SPSB1: variants seen among roughly 807,000 people sequenced by gnomAD.
SPSB1 encodes SPRY domain-containing SOCS box protein 1.
Under a neutral mutation model 21.2 loss-of-function variants are expected in SPSB1, and 8 were observed. The observed-to-expected ratio is 0.38, with a 90% confidence interval of 0.22 to 0.68. SPSB1 has a LOEUF of 0.68. Ranked by LOEUF, SPSB1 falls within the 30% of genes least tolerant of loss-of-function variation. SPSB1 has a pLI of 0.53. For missense variants in SPSB1, 242 were observed against 377.8 expected, an observed-to-expected ratio of 0.64 and a Z score of 2.98; for synonymous variants, 169 against 161.7, an observed-to-expected ratio of 1.05 and a Z score of -0.34.
intron 2 of SPSB1, among the ~76,000 whole-genome samples, chr1:9,359,574 C>T (rs925346408): frequency 1.3e-5 from 2 of 151,792 alleles, no homozygotes; most frequent in African/African-American, 2.4e-5. Flanking sequence ...TGGTGGCATG[C>T]ACCTGTAATC....
chr1:9,303,191 A>T (rs1035519999), intron 1 of SPSB1, among the ~76,000 whole-genome samples: 7 of 152,194 alleles, frequency 4.6e-5, no homozygotes, highest in African/African-American at 1.7e-4. Context: ...GATACTCCTT[A>T]GGGCATCTGT....
At chr1:9,299,047 G>C (rs1020991659) in intron 1 of SPSB1, among the ~76,000 whole-genome samples, 2 of 152,238 alleles carry the variant, frequency 1.3e-5, no homozygotes, top group African/African-American at 4.8e-5. Flanking sequence ...TCAACTCTCC[G>C]ATTTGGCCTG....
chr1:9,342,647 G>A (rs999647339), intron 1 of SPSB1, among the ~76,000 whole-genome samples: 3 of 152,138 alleles, frequency 2.0e-5, no homozygotes, highest in East Asian at 1.9e-4. Context: ...CCGCCAGCCC[G>A]CGGGGTCATC....
At chr1:9,365,303 G>T (rs889738342) in intron 2 of SPSB1, among the ~76,000 whole-genome samples, 1 of 152,068 alleles carries the variant, frequency 6.6e-6, no homozygotes, top group South Asian at 2.1e-4. Flanking sequence ...TTTTTGTAGC[G>T]ATGAGGTCTC....
chr1:9,351,218 G>A (rs1640254106), intron 1 of SPSB1, among the ~76,000 whole-genome samples: 1 of 152,258 alleles, frequency 6.6e-6, no homozygotes, highest in Non-Finnish European at 1.5e-5. Flanking sequence ...TCTGGCCCCT[G>A]ATGGAAGAAG....
intron 1 of SPSB1, among the ~76,000 whole-genome samples, chr1:9,344,127 G>C (rs1640134040): frequency 6.6e-6 from 1 of 152,160 alleles, no homozygotes; most frequent in Admixed American, 6.5e-5. Context: ...GTGTAATCCT[G>C]ATGGTTTTCA....
chr1:9,359,513 C>T (rs918365127), intron 2 of SPSB1, among the ~76,000 whole-genome samples: 1 of 151,950 alleles, frequency 6.6e-6, no homozygotes. Flanking sequence ...ACCAGCCTGG[C>T]CAACATGGTG....
At chr1:9,315,418 C>T (rs756560706) in intron 1 of SPSB1, among the ~76,000 whole-genome samples, 5 of 152,266 alleles carry the variant, frequency 3.3e-5, no homozygotes, top group African/African-American at 7.2e-5. Context: ...CGTTGTCTCA[C>T]GCAAGTCTTT....
intron 1 of SPSB1, among the ~76,000 whole-genome samples, chr1:9,295,502 G>A (rs1294171175): frequency 6.6e-6 from 1 of 152,178 alleles, no homozygotes; most frequent in African/African-American, 2.4e-5. Context: ...TGTCACTTTG[G>A]AGCTGGGTGA....
chr1:9,341,418 T>C (rs1640089195), intron 1 of SPSB1, among the ~76,000 whole-genome samples: 1 of 152,234 alleles, frequency 6.6e-6, no homozygotes, highest in Non-Finnish European at 1.5e-5. Context: ...CCCACTAGAC[T>C]GAGCTCCCTG....
chr1:9,336,569 A>C (rs1640006746), intron 1 of SPSB1, among the ~76,000 whole-genome samples: 1 of 152,172 alleles, frequency 6.6e-6, no homozygotes, highest in Non-Finnish European at 1.5e-5. Context: ...CAAAAGGAAG[A>C]AAGAGGAGTG....
intron 1 of SPSB1, among the ~76,000 whole-genome samples, chr1:9,297,754 G>A (rs1639249365): frequency 1.3e-5 from 2 of 152,172 alleles, no homozygotes; most frequent in Admixed American, 1.3e-4. Context: ...TTAATGTAGA[G>A]TTAGGGATTC....
intron 1 of SPSB1, among the ~76,000 whole-genome samples, chr1:9,297,791 G>A (rs1189447389): frequency 6.6e-6 from 1 of 152,166 alleles, no homozygotes; most frequent in Non-Finnish European, 1.5e-5. Flanking sequence ...TGTAGAGTTA[G>A]GGATTCAAAG....
intron 1 of SPSB1, among the ~76,000 whole-genome samples, chr1:9,304,371 C>T (rs768097316): frequency 6.6e-6 from 1 of 152,214 alleles, no homozygotes; most frequent in Non-Finnish European, 1.5e-5. Context: ...AGCCAGTTCC[C>T]CTAACCCATC....
chr1:9,303,044 G>A (rs1460075780), intron 1 of SPSB1, among the ~76,000 whole-genome samples: 2 of 152,166 alleles, frequency 1.3e-5, no homozygotes, highest in Non-Finnish European at 2.9e-5. Flanking sequence ...TGGCTTCTTT[G>A]GGCTCCCTGT....
intron 1 of SPSB1, among the ~76,000 whole-genome samples, chr1:9,318,310 T>G (rs1639647654): frequency 6.6e-6 from 1 of 152,230 alleles, no homozygotes; most frequent in Admixed American, 6.5e-5. Context: ...TTGCTGGTTG[T>G]TCTCTCCGGC....
intron 2 of SPSB1, among the ~76,000 whole-genome samples, chr1:9,362,675 G>C (rs1167892900): frequency 6.6e-6 from 1 of 152,226 alleles, no homozygotes; most frequent in Non-Finnish European, 1.5e-5. Context: ...GAGTTGGGTT[G>C]AAATCTCTCG....
At chr1:9,361,833 G>A (rs893131222) in intron 2 of SPSB1, among the ~76,000 whole-genome samples, 4 of 152,224 alleles carry the variant, frequency 2.6e-5, no homozygotes, top group African/African-American at 4.8e-5. Context: ...GGGCCTGCCC[G>A]CCACCCTCCC....
intron 1 of SPSB1, among the ~76,000 whole-genome samples, chr1:9,328,164 G>A (rs1003119037): frequency 5.9e-5 from 9 of 152,190 alleles, no homozygotes; most frequent in African/African-American, 1.7e-4. Context: ...AGAGCCAGAC[G>A]AACGTGGCTG....
Sources: gnomAD v4.1 joint callset for allele counts (sites outside exome capture counted in the v4.1 genomes callset) on GRCh38, gnomAD v4.1.1 for gene constraint, MANE v1.5 for transcripts, NCBI Gene and HGNC (gene_info 2026-07-23, HGNC 2026-07-21) for gene names.